Variants in PCTP observed in about 807,000 individuals in gnomAD.
PCTP encodes START domain-containing protein 2.
Under a neutral mutation model 31.0 loss-of-function variants are expected in PCTP, and 27 were observed. The observed-to-expected ratio is 0.87, with a 90% CI of 0.64 to 1.20. The LOEUF is 1.20. Ranked by LOEUF, PCTP falls within the 50% of genes most tolerant of loss-of-function variation. The pLI is 0.00. For synonymous variants in PCTP, 108 were observed against 101.2 expected, an observed-to-expected ratio of 1.07 and a Z score of -0.40; for missense variants, 287 against 268.2, an observed-to-expected ratio of 1.07 and a Z score of -0.49.
intron 5 of PCTP, among the ~76,000 whole-genome samples, chr17:55,832,622 T>C (rs1465454858): frequency 1.3e-5 from 2 of 152,242 alleles, no homozygotes; most frequent in African/African-American, 4.8e-5. Context: ...TCATGCAATG[T>C]ATTATGCCCC....
intron 3 of PCTP, among the ~76,000 whole-genome samples, chr17:55,800,246 A>G (rs768508002): frequency 1.3e-5 from 2 of 152,118 alleles, no homozygotes; most frequent in Non-Finnish European, 2.9e-5. Context: ...ACATAGTCCC[A>G]TATTTCTCAG....
intron 5 of PCTP, among the ~76,000 whole-genome samples, chr17:55,839,642 C>T (rs948041109): frequency 1.3e-5 from 2 of 152,074 alleles, no homozygotes; most frequent in African/African-American, 2.4e-5. Context: ...AACAACTGGC[C>T]GGGCGCGGTG....
At chr17:55,834,597 A>T (rs1164462108) in intron 5 of PCTP, among the ~76,000 whole-genome samples, 2 of 152,202 alleles carry the variant, frequency 1.3e-5, no homozygotes, top group East Asian at 1.9e-4. Flanking sequence ...GTGTGTGTGT[A>T]TAGGAACATG....
rs1044433663 is a variant in PCTP at position 55,776,698 on chromosome 17, G to A, written c.*598G>A. 1.1e-5 allele frequency: 13 copies of A among 1,212,964 alleles called. No individual in the cohort carries two copies. In the East Asian group the frequency reaches 1.3e-4, roughly 12 times the overall value. The allele number at this position is 1,212,964 out of a possible 1,614,324, so 75.1% of individuals were successfully genotyped here. A position where few individuals can be genotyped will look rare whatever the true frequency, so the allele number is the denominator to read the frequency against. ...GTGATAATCCAGTAAGTCTTTCCTCGTTCCTACTTGTGGAGGATCAGTAGC... is the reference window on the plus strand; with the variant it reads ...GTGATAATCCAGTAAGTCTTTCCTCATTCCTACTTGTGGAGGATCAGTAGC... On this transcript the variant is annotated 3_prime_UTR_variant, in exon 6 of 6. Coordinates refer to ENST00000268896, the MANE Select transcript of PCTP (RefSeq NM_021213.4).
chr17:55,814,093 A>C (rs1158775684), intron 3 of PCTP, among the ~76,000 whole-genome samples: 1 of 152,044 alleles, frequency 6.6e-6, no homozygotes, highest in Admixed American at 6.6e-5. Flanking sequence ...AAGAGAATTC[A>C]ATGCGTCGAT....
At chr17:55,800,490 A>G (rs1912339093) in intron 3 of PCTP, among the ~76,000 whole-genome samples, 1 of 151,754 alleles carries the variant, frequency 6.6e-6, no homozygotes, top group Non-Finnish European at 1.5e-5. Context: ...TTTTTTCAAG[A>G]TTCCTAGCTT....
At chr17:55,803,648 G>T (rs867195007) in intron 3 of PCTP, among the ~76,000 whole-genome samples, 1 of 152,234 alleles carries the variant, frequency 6.6e-6, no homozygotes. Flanking sequence ...GGGAAAACTG[G>T]CTAGCCATAT....
chr17:55,799,519 CTT>C (rs1362597042), intron 3 of PCTP, among the ~76,000 whole-genome samples: 2 of 151,450 alleles, frequency 1.3e-5, no homozygotes, highest in South Asian at 2.1e-4. Flanking sequence ...GGTCTTGACT[CTT>C]TATGCAATTT....
chr17:55,756,290 A>G (rs1282770649), intron 1 of PCTP, among the ~76,000 whole-genome samples: 3 of 152,230 alleles, frequency 2.0e-5, no homozygotes, highest in Admixed American at 2.0e-4. Context: ...CCAGTGGAAA[A>G]TGCTATAAAG....
chr17:55,810,010 G>A (rs1237752947), intron 3 of PCTP, among the ~76,000 whole-genome samples: 1 of 151,816 alleles, frequency 6.6e-6, no homozygotes, highest in East Asian at 1.9e-4. Context: ...AAAGCAGGAA[G>A]CAAAGTCAGT....
intron 3 of PCTP, among the ~76,000 whole-genome samples, chr17:55,772,818 G>T (rs2144964317): frequency 6.6e-6 from 1 of 152,202 alleles, no homozygotes; most frequent in East Asian, 1.9e-4. Context: ...AAAAATTCAT[G>T]TTTCATCACT....
intron 3 of PCTP, chr17:55,822,657 C>A: frequency 2.1e-6 from 1 of 472,728 alleles, no homozygotes; most frequent in Non-Finnish European, 3.4e-6. Flanking sequence ...TTGCATCCTT[C>A]CATGACTATC....
chr17:55,762,013 G>C (rs1197404347), intron 1 of PCTP, among the ~76,000 whole-genome samples: 1 of 152,134 alleles, frequency 6.6e-6, no homozygotes, highest in Non-Finnish European at 1.5e-5. Context: ...GTGCTTTGCC[G>C]ATAAGCTCTG....
At chr17:55,772,056 A>G (rs1312711460) in intron 3 of PCTP, among the ~76,000 whole-genome samples, 3 of 152,230 alleles carry the variant, frequency 2.0e-5, no homozygotes, top group Non-Finnish European at 2.9e-5. Context: ...CTATATCAAG[A>G]TAATTCTTCC....
downstream of PCTP, among the ~76,000 whole-genome samples, chr17:55,845,042 G>T (rs1227272062): frequency 1.5e-5 from 2 of 130,628 alleles, no homozygotes; most frequent in African/African-American, 5.9e-5. Context: ...AACCAAGAAT[G>T]CGCCATTGCA....
At chr17:55,791,184 C>T (rs1396605976) in intron 3 of PCTP, among the ~76,000 whole-genome samples, 1 of 152,078 alleles carries the variant, frequency 6.6e-6, no homozygotes, top group Admixed American at 6.5e-5. Flanking sequence ...AAACGTTAGA[C>T]CTAAAACCAT....
intron 5 of PCTP, chr17:55,842,707 C>T (rs893417990): frequency 2.0e-5 from 3 of 152,168 alleles, no homozygotes; most frequent in Non-Finnish European, 4.4e-5. Context: ...TTTATTTGCT[C>T]TCTGTTTTAT....
rs1270575464 is a variant in PCTP at position 55,777,333 on chromosome 17, G to C, written c.*1233G>C. On this transcript the variant is annotated 3_prime_UTR_variant, in exon 6 of 6. Transcript: ENST00000268896. ...AGACTGTTTGTTTTCTTTCTGGGAA[G>C]AAAAGTGTGTTCTATAATGAATAAA... is the stretch of plus-strand genomic sequence containing the variant. 1.0e-6 allele frequency: 1 copy of C among 984,990 alleles called. No individual in the cohort carries two copies. Among genetic ancestry groups the C allele is most frequent in the African/African-American group, 1.7e-5 (1 of 57,356 alleles). 61.0% of individuals were successfully genotyped at this position (984,990 alleles called of 1,614,324 possible).
intron 3 of PCTP, among the ~76,000 whole-genome samples, chr17:55,773,493 G>C (rs1338544009): frequency 2.0e-5 from 3 of 152,116 alleles, no homozygotes; most frequent in Non-Finnish European, 4.4e-5. Context: ...AGCATGAAGG[G>C]ATCACTCACA....
Sources: allele counts gnomAD v4.1 joint callset (sites outside exome capture counted in the v4.1 genomes callset), GRCh38; gene constraint gnomAD v4.1.1; transcripts MANE v1.5; gene names NCBI Gene and HGNC (gene_info 2026-07-23, HGNC 2026-07-21).